The following USP10 variants were observed in gnomAD, a reference collection of about 807,000 sequenced individuals.
The protein encoded by USP10 is ubiquitin specific peptidase 10.
USP10 carries 22 observed loss-of-function variants against 84.5 expected under a neutral mutation model. The ratio of observed to expected loss-of-function variants is 0.26; its 90% CI spans 0.19 to 0.37. The LOEUF (loss-of-function observed/expected upper bound fraction) is 0.37, where lower values mean the gene tolerates loss of function less well. Among genes scored for constraint, USP10 ranks in the 10% least tolerant of loss-of-function variants. The pLI is 1.00. For synonymous variants in USP10, 454 were observed against 387.6 expected, an observed-to-expected ratio of 1.17 and a Z score of -2.01; for missense variants, 1,019 against 998.9, an observed-to-expected ratio of 1.02 and a Z score of -0.27.
intron 10 of USP10, 151 bp from the exon 11 acceptor site, chr16:84,768,042 T>G: frequency 1.3e-6 from 1 of 791,974 alleles, no homozygotes; most frequent in East Asian, 2.7e-5. Context: ...AGAATTATTT[T>G]TAAATTCAGT....
At chr16:84,757,396 GGTGGGGGTGTGTGTGTGTGTGT>G (rs1438341864) in intron 4 of USP10, among the ~76,000 whole-genome samples, 33 of 127,366 alleles carry the variant, frequency 2.6e-4, no homozygotes, top group African/African-American at 6.9e-4. Flanking sequence ...GAATGAGAGG[GGTGGGGGTGTGTGTGTGTGTGT>G]GTGTGTGTGT....
intron 1 of USP10, among the ~76,000 whole-genome samples, chr16:84,719,038 C>T (rs753866479): frequency 6.6e-6 from 1 of 151,980 alleles, no homozygotes; most frequent in Admixed American, 6.6e-5. Flanking sequence ...ATGATCCACC[C>T]GTCTCGGCCT....
At chr16:84,726,691 C>T (rs1043334400) in intron 1 of USP10, among the ~76,000 whole-genome samples, 6 of 152,174 alleles carry the variant, frequency 3.9e-5, no homozygotes, top group African/African-American at 7.2e-5. Flanking sequence ...GTTTTGAAAG[C>T]CCGGGATGGA....
chr16:84,776,147 A>G (rs367545642), intron 13 of USP10, among the ~76,000 whole-genome samples: 18 of 152,296 alleles, frequency 1.2e-4, no homozygotes, highest in South Asian at 4.1e-4. Flanking sequence ...CCTGTTTTAT[A>G]AAAGAATAAA....
At chr16:84,756,721 T>A (rs1416674837) in intron 4 of USP10, among the ~76,000 whole-genome samples, 1 of 152,238 alleles carries the variant, frequency 6.6e-6, no homozygotes, top group Non-Finnish European at 1.5e-5. Flanking sequence ...GAGTTTTCAT[T>A]TGAGACACTA....
intron 1 of USP10, 46 bp from the exon 2 acceptor site, chr16:84,733,389 A>G (rs771736831): frequency 7.0e-7 from 1 of 1,430,908 alleles, no homozygotes; most frequent in Non-Finnish European, 9.7e-7. Context: ...GAAAGTATAT[A>G]ATTTGTATAT....
Position 84,744,837 on chromosome 16 carries a change from G to C in USP10, c.356G>C (p.Gly119Ala), listed in dbSNP as rs769209411. ...SYGSIDCQYP[G>A]SALALDGSSN... ...GGCTCCATCGACTGCCAGTACCCAG[G>C]CTCTGCCCTCGCTTTGGATGGAAGT... is the stretch of plus-strand genomic sequence containing the variant. The change falls in exon 4 of 14, where the codon GGC (glycine) becomes GCC (alanine). Residue 119 changes from glycine (G) to alanine (A), a missense_variant. Physicochemically the swap from Gly to Ala is moderately conservative, Grantham distance 60. This residue lies in a region of USP10 where 787 missense variants were observed against 708.8 expected (regional missense o/e 1.11). Coordinates refer to ENST00000219473, the MANE Select transcript of USP10 (RefSeq NM_005153.3). The C allele has an allele frequency of 1.2e-6, 2 of 1,613,630 alleles. No individual in the cohort carries two copies. Among genetic ancestry groups the C allele is most frequent in the East Asian group, 2.2e-5 (1 of 44,902 alleles).
chr16:84,763,685 G>A (rs1913474142), intron 9 of USP10, among the ~76,000 whole-genome samples: 1 of 152,262 alleles, frequency 6.6e-6, no homozygotes, highest in South Asian at 2.1e-4. Context: ...TGGTGCACCT[G>A]TTGCGATTGG....
chr16:84,719,665 C>G (rs1352653412), intron 1 of USP10, among the ~76,000 whole-genome samples: 1 of 152,228 alleles, frequency 6.6e-6, no homozygotes, highest in East Asian at 1.9e-4. Context: ...TGGAAAACAT[C>G]TCTTCTAGTG....
At chr16:84,706,458 T>C (rs1054452967) in intron 1 of USP10, among the ~76,000 whole-genome samples, 1 of 149,816 alleles carries the variant, frequency 6.7e-6, no homozygotes, top group Non-Finnish European at 1.5e-5. Flanking sequence ...CTTACGTGGC[T>C]GCAAAGACTA....
chr16:84,726,815 C>A (rs371364032), intron 1 of USP10, among the ~76,000 whole-genome samples: 2 of 152,320 alleles, frequency 1.3e-5, no homozygotes, highest in South Asian at 2.1e-4. Flanking sequence ...TACTTTGCTC[C>A]CCCGAATCGC....
At chr16:84,771,159 G>A (rs1914410994) in intron 11 of USP10, among the ~76,000 whole-genome samples, 1 of 152,140 alleles carries the variant, frequency 6.6e-6, no homozygotes, top group African/African-American at 2.4e-5. Flanking sequence ...ATGCATCTTA[G>A]TGACAAAAAA....
chr16:84,757,402 G>GGGT lies in USP10; in HGVS notation c.1193-1313_1193-1312insGTG, dbSNP rs1912701298. 3.6e-5 allele frequency among the ~76,000 whole-genome samples: 3 copies of GGGT among 82,860 alleles called. No individual in the cohort carries two copies. The South Asian group carries it at 8.5e-4, about 23-fold the overall frequency. 54.4% of individuals were successfully genotyped at this position (82,860 alleles called of 152,430 possible). ...GGAAGGAGGGAATGAGAGGGGTGGG[G>GGGT]GTGTGTGTGTGTGTGTGTGTGTGTG... On this transcript the variant is annotated intron_variant, in intron 4 of 13. Transcript: ENST00000219473.
rs1904640293 is a variant in USP10 at position 84,700,118 on chromosome 16, G to A, written c.21+7G>A. Reference sequence around the variant, plus strand: ...GGCCCTCCACAGCCCGCAGGTAGCCGCCGGTCTGCGCCTTCGGCCGGAAGG... The same window carrying A: ...GGCCCTCCACAGCCCGCAGGTAGCCACCGGTCTGCGCCTTCGGCCGGAAGG... On this transcript the variant is annotated splice_region_variant and intron_variant, in intron 1 of 13. Transcript: ENST00000219473. 1 of 1,341,574 alleles carries A rather than the reference G, an allele frequency of 7.5e-7. No individual in the cohort carries two copies. The highest frequency in any genetic ancestry group is 9.8e-7 in the Non-Finnish European group (1 of 1,024,912). 83.1% of individuals were successfully genotyped at this position (1,341,574 alleles called of 1,614,324 possible).
rs115650037 is a variant in USP10 at position 84,728,367 on chromosome 16, T to C, written c.22-5068T>C. On this transcript the variant is annotated intron_variant, in intron 1 of 13. Transcript: ENST00000219473. The stretch of plus-strand genomic sequence containing the variant: ...TATTTGGCCTTTTTTACTTTTTTTT[T>C]TTCTCGCTGTTGCCCAGGCTGGAGT... Among the ~76,000 whole-genome samples the C allele has an allele frequency of 7.2e-3, 1,089 of 152,274 alleles. 8 individuals carry two copies. Among genetic ancestry groups the C allele is most frequent in the African/African-American group, 0.025 (1,029 of 41,554 alleles).
chr16:84,778,246 T>G (rs1319750634), intron 13 of USP10, among the ~76,000 whole-genome samples: 1 of 152,026 alleles, frequency 6.6e-6, no homozygotes, highest in East Asian at 1.9e-4. Flanking sequence ...AGTCCCAGGG[T>G]CCCTCCTGCC....
intron 8 of USP10, among the ~76,000 whole-genome samples, chr16:84,761,866 G>A (rs545320537): frequency 6.6e-6 from 1 of 152,266 alleles, no homozygotes; most frequent in African/African-American, 2.4e-5. Context: ...ACCCAGGCCT[G>A]CTATGAAAAG....
intron 4 of USP10, among the ~76,000 whole-genome samples, chr16:84,751,215 C>T (rs1051603169): frequency 6.6e-6 from 1 of 152,088 alleles, no homozygotes; most frequent in South Asian, 2.1e-4. Context: ...AGCATATGGC[C>T]CAGGTGTGTA....
Position 84,733,455 on chromosome 16 carries a change from C to T in USP10, c.42C>T (p.Ser14=). 1 of 1,608,582 alleles carries T rather than the reference C, an allele frequency of 6.2e-7. No homozygotes were observed. The highest frequency in any genetic ancestry group is 1.7e-5 in the Admixed American group (1 of 59,404). ...HSPQYIFGDF[S]PDEFNQFFVT... The stretch of plus-strand genomic sequence containing the variant: ...TTCAGTATATTTTTGGAGATTTTAG[C>T]CCTGATGAATTCAATCAATTCTTTG... The change falls in exon 2 of 14, where the codon AGC becomes AGT. Residue 14 remains serine (S), a synonymous_variant. Transcript: ENST00000219473.
Sources: allele counts gnomAD v4.1 joint callset (sites outside exome capture counted in the v4.1 genomes callset), GRCh38; gene constraint gnomAD v4.1.1; regional missense constraint gnomAD v4.1.1; transcripts MANE v1.5; gene names NCBI Gene and HGNC (gene_info 2026-07-23, HGNC 2026-07-21).